The following CSGALNACT1 variants were observed in gnomAD, a reference collection of about 807,000 sequenced individuals.
The protein encoded by CSGALNACT1 is beta4GalNAcT-1.
CSGALNACT1 carries 52 observed loss-of-function variants against 51.0 expected under a neutral mutation model. The observed-to-expected ratio is 1.02, with a 90% CI of 0.82 to 1.29. The LOEUF is 1.29. CSGALNACT1 is among the 50% of genes most tolerant of loss of function. The probability of loss-of-function intolerance (pLI) is 0.00; values close to 1 mark genes in which losing one functional copy is unlikely to be tolerated. For missense variants in CSGALNACT1, 935 were observed against 679.2 expected, an observed-to-expected ratio of 1.38 and a Z score of -4.19; for synonymous variants, 341 against 254.4, an observed-to-expected ratio of 1.34 and a Z score of -3.24.
intron 3 of CSGALNACT1, among the ~76,000 whole-genome samples, chr8:19,515,079 T>C (rs947120344): frequency 1.3e-5 from 2 of 152,076 alleles, no homozygotes; most frequent in Admixed American, 6.6e-5. Context: ...GCCAGGATCA[T>C]GCCTTGATCC....
chr8:19,420,189 C>CGT (rs2057687343), intron 7 of CSGALNACT1, 151 bp downstream of exon 6: 3 of 738,000 alleles, frequency 4.1e-6, no homozygotes, highest in South Asian at 3.1e-5. Flanking sequence ...TGAGAACAGA[C>CGT]TAATACAGAT....
chr8:19,579,083 T>G (rs1376132833), intron 3 of CSGALNACT1, among the ~76,000 whole-genome samples: 1 of 152,178 alleles, frequency 6.6e-6, no homozygotes, highest in Non-Finnish European at 1.5e-5. Flanking sequence ...CTTGAGCCTA[T>G]CCACCACACC....
At chr8:19,638,595 T>C (rs1190716268) in intron 1 of CSGALNACT1, among the ~76,000 whole-genome samples, 2 of 152,212 alleles carry the variant, frequency 1.3e-5, no homozygotes, top group African/African-American at 4.8e-5. Flanking sequence ...AAATGTATTA[T>C]AATTAAATAA....
intron 1 of CSGALNACT1, among the ~76,000 whole-genome samples, chr8:19,731,305 C>T (rs1001034179): frequency 6.6e-6 from 1 of 151,948 alleles, no homozygotes; most frequent in African/African-American, 2.4e-5. Flanking sequence ...GTCAGGAGTT[C>T]GAGGCCAGCC....
chr8:19,691,227 G>A (rs2061298942), intron 1 of CSGALNACT1, among the ~76,000 whole-genome samples: 1 of 152,206 alleles, frequency 6.6e-6, no homozygotes, highest in African/African-American at 2.4e-5. Context: ...GGCAGCAGGT[G>A]GTGAGCAAAG....
chr8:19,428,956 G>C (rs1274024127), intron 6 of CSGALNACT1, among the ~76,000 whole-genome samples: 1 of 151,768 alleles, frequency 6.6e-6, no homozygotes, highest in African/African-American at 2.4e-5. Context: ...GTATAAATCA[G>C]TGTCATTTAG....
chr8:19,538,670 G>A (rs913840994), intron 3 of CSGALNACT1, among the ~76,000 whole-genome samples: 22 of 152,150 alleles, frequency 1.4e-4, no homozygotes, highest in African/African-American at 5.1e-4. Flanking sequence ...TACAGGCTGG[G>A]AAGAAACAGC....
intron 1 of CSGALNACT1, among the ~76,000 whole-genome samples, chr8:19,631,172 A>T (rs1199034428): frequency 3.9e-5 from 6 of 152,020 alleles, no homozygotes; most frequent in Admixed American, 1.3e-4. Context: ...ATTTCATGAG[A>T]TTTTTGTGTG....
At chr8:19,637,876 G>C (rs1031586767) in intron 1 of CSGALNACT1, among the ~76,000 whole-genome samples, 1 of 148,692 alleles carries the variant, frequency 6.7e-6, no homozygotes, top group Non-Finnish European at 1.5e-5. Context: ...TAGAAGAAGT[G>C]AGTGCCCAGC....
At chr8:19,699,354 A>T (rs1006619724) in intron 1 of CSGALNACT1, among the ~76,000 whole-genome samples, 3 of 152,244 alleles carry the variant, frequency 2.0e-5, no homozygotes, top group African/African-American at 7.2e-5. Context: ...TCATAGTAGC[A>T]TTATTTGCAA....
chr8:19,629,902 T>C (rs979569779), intron 1 of CSGALNACT1, among the ~76,000 whole-genome samples: 1 of 152,116 alleles, frequency 6.6e-6, no homozygotes, highest in African/African-American at 2.4e-5. Context: ...TGAGTCTCAT[T>C]TTAAAGATGA....
intron 3 of CSGALNACT1, among the ~76,000 whole-genome samples, chr8:19,555,774 T>C (rs1038380055): frequency 6.6e-6 from 1 of 152,190 alleles, no homozygotes; most frequent in Non-Finnish European, 1.5e-5. Flanking sequence ...GTCACCTTAA[T>C]TGCCTGTGCC....
At chr8:19,407,446 G>C (rs2054466768) in intron 9 of CSGALNACT1, among the ~76,000 whole-genome samples, 1 of 152,122 alleles carries the variant, frequency 6.6e-6, no homozygotes, top group African/African-American at 2.4e-5. Context: ...CTGAGCCCCT[G>C]CACCTGAGAT....
chr8:19,508,297 T>C (rs35487176), intron 3 of CSGALNACT1, among the ~76,000 whole-genome samples: 11,804 of 152,302 alleles, frequency 0.078, 656 homozygotes, highest in Non-Finnish European at 0.12. Flanking sequence ...CCAGGAGATG[T>C]GCCTTTTAGT....
chr8:19,709,141 G>A (rs757488024), intron 1 of CSGALNACT1, among the ~76,000 whole-genome samples: 2 of 152,200 alleles, frequency 1.3e-5, no homozygotes, highest in Non-Finnish European at 2.9e-5. Context: ...TCAAGAACGA[G>A]CTGCCAGCCT....
intron 3 of CSGALNACT1, among the ~76,000 whole-genome samples, chr8:19,524,656 C>T (rs2975490): frequency 6.6e-6 from 1 of 152,014 alleles, no homozygotes. Flanking sequence ...AGTGGTGAGT[C>T]TAAGGAGGCT....
chr8:19,637,101 G>A (rs2056175507), intron 1 of CSGALNACT1, among the ~76,000 whole-genome samples: 2 of 152,130 alleles, frequency 1.3e-5, no homozygotes, highest in South Asian at 4.1e-4. Context: ...TACTACTCAG[G>A]AGGCTGAGGC....
Position 19,575,925 on chromosome 8 carries a change from A to T in CSGALNACT1, c.-297+15235T>A, listed in dbSNP as rs889193418. 2.0e-5 allele frequency among the ~76,000 whole-genome samples: 3 copies of T among 152,114 alleles called. No homozygotes were observed. The Admixed American group carries it at 2.0e-4, about 10-fold the overall frequency. On this transcript the variant is annotated intron_variant, in intron 3 of 9. Transcript: ENST00000454498. ...CTTTTGAGATATTTTAATAATAAAA[A>T]GACTTCTTCTTTAAAAAAGGTACAC... is the stretch of plus-strand genomic sequence containing the variant.
intron 1 of CSGALNACT1, among the ~76,000 whole-genome samples, chr8:19,700,736 A>G (rs2061820938): frequency 6.6e-6 from 1 of 152,188 alleles, no homozygotes; most frequent in African/African-American, 2.4e-5. Flanking sequence ...AAACAAATAG[A>G]CCACCAAAAT....
Sources: allele counts gnomAD v4.1 joint callset (sites outside exome capture counted in the v4.1 genomes callset), GRCh38; gene constraint gnomAD v4.1.1; transcripts MANE v1.5; gene names NCBI Gene and HGNC (gene_info 2026-07-23, HGNC 2026-07-21).